The following SLC25A13 variants were observed in gnomAD, a reference collection of about 807,000 sequenced individuals.
SLC25A13 encodes the protein electrogenic aspartate/glutamate antiporter SLC25A13, mitochondrial.
In SLC25A13, 70 loss-of-function variants were observed where a neutral mutation model predicts 85.5. That is an observed-to-expected ratio of 0.82 (90% CI 0.68 to 1.00). The LOEUF (loss-of-function observed/expected upper bound fraction) is 1.00, where lower values mean the gene tolerates loss of function less well. Among genes scored for constraint, SLC25A13 ranks in the 50% least tolerant of loss-of-function variants. The pLI, the probability that SLC25A13 is intolerant of heterozygous loss-of-function variation, is 0.00. For synonymous variants in SLC25A13, 259 were observed against 288.7 expected (o/e 0.90, Z 1.04); for missense variants, 765 against 819.8 (o/e 0.93, Z 0.82).
chr7:96,228,645 T>C (rs1352865542), intron 4 of SLC25A13, among the ~76,000 whole-genome samples: 1 of 152,198 alleles, frequency 6.6e-6, no homozygotes, highest in Non-Finnish European at 1.5e-5. Context: ...CACTGCACTG[T>C]GGGAGCCCCT....
intron 11 of SLC25A13, among the ~76,000 whole-genome samples, chr7:96,179,935 C>A (rs1297235295): frequency 6.6e-6 from 1 of 152,196 alleles, no homozygotes; most frequent in African/African-American, 2.4e-5. Context: ...AATCTGGATA[C>A]TCCCTTTTAT....
intron 1 of SLC25A13, among the ~76,000 whole-genome samples, chr7:96,307,848 C>G (rs894645490): frequency 2.0e-5 from 3 of 152,132 alleles, no homozygotes; most frequent in African/African-American, 7.2e-5. Flanking sequence ...TGCAATGGAA[C>G]ATTTAAATCT....
At position 96,224,391 on chromosome 7, in the gene SLC25A13, C is replaced by T. The variant is rs1024735650; in HGVS notation, c.328+10411G>A. 3.9e-5 allele frequency among the ~76,000 whole-genome samples: 6 copies of T among 152,272 alleles called. No homozygotes were observed. The East Asian group carries it at 7.7e-4, about 20-fold the overall frequency. On this transcript the variant is annotated intron_variant, in intron 4 of 17. Transcript: ENST00000265631. ...CTCTTGCTTAAGGGCCCGGCCCTGT[C>T]GTTGGTGCCCTGACAACCACCCTCC...
At chr7:96,202,785 C>T (rs1795309081) in intron 5 of SLC25A13, among the ~76,000 whole-genome samples, 2 of 152,076 alleles carry the variant, frequency 1.3e-5, no homozygotes, top group Admixed American at 6.6e-5. Flanking sequence ...TACTCTGTAG[C>T]CCCTCCTTAA....
At chr7:96,129,325 A>C (rs1233807185) in intron 15 of SLC25A13, among the ~76,000 whole-genome samples, 1 of 152,222 alleles carries the variant, frequency 6.6e-6, no homozygotes, top group Non-Finnish European at 1.5e-5. Flanking sequence ...ATTTATAAAG[A>C]CAACAGGATG....
At chr7:96,284,421 T>C (rs1798808025) in intron 2 of SLC25A13, among the ~76,000 whole-genome samples, 1 of 152,230 alleles carries the variant, frequency 6.6e-6, no homozygotes, top group East Asian at 1.9e-4. Context: ...TAAAAGTGGA[T>C]ATCATGCTTT....
intron 1 of SLC25A13, among the ~76,000 whole-genome samples, chr7:96,312,335 G>T (rs757577025): frequency 6.6e-6 from 1 of 152,150 alleles, no homozygotes; most frequent in Non-Finnish European, 1.5e-5. Flanking sequence ...TATGAAGATT[G>T]CATTAGTAGA....
intron 13 of SLC25A13, among the ~76,000 whole-genome samples, chr7:96,158,387 A>G (rs1793370401): frequency 6.6e-6 from 1 of 152,216 alleles, no homozygotes; most frequent in Non-Finnish European, 1.5e-5. Context: ...TATATTTTTT[A>G]ATATAGCGCA....
chr7:96,147,343 A>G (rs940683219), intron 13 of SLC25A13, among the ~76,000 whole-genome samples: 1 of 152,348 alleles, frequency 6.6e-6, no homozygotes, highest in South Asian at 2.1e-4. Context: ...TGCTCTTTTC[A>G]TATGAGATAA....
chr7:96,169,968 C>T, intron 13 of SLC25A13, 77 bp downstream of exon 13: 1 of 1,416,514 alleles, frequency 7.1e-7, no homozygotes, highest in South Asian at 1.1e-5. Flanking sequence ...AAGCCTTAGT[C>T]CACACCTGTT....
intron 13 of SLC25A13, among the ~76,000 whole-genome samples, chr7:96,164,508 G>A (rs758638554): frequency 2.4e-4 from 36 of 152,168 alleles, no homozygotes; most frequent in Admixed American, 3.3e-4. Flanking sequence ...AGAGAAAGTT[G>A]CTATCTAAAT....
At chr7:96,226,954 G>T (rs1796347926) in intron 4 of SLC25A13, among the ~76,000 whole-genome samples, 1 of 151,940 alleles carries the variant, frequency 6.6e-6, no homozygotes, top group Non-Finnish European at 1.5e-5. Flanking sequence ...ACCAAAATTT[G>T]ACAGTATTGG....
At chr7:96,185,326 G>A (rs529729257) in intron 9 of SLC25A13, among the ~76,000 whole-genome samples, 2 of 152,214 alleles carry the variant, frequency 1.3e-5, no homozygotes, top group Admixed American at 1.3e-4. Flanking sequence ...GGCCAGGCAC[G>A]GTGGCTCACG....
Position 96,234,809 on chromosome 7 carries a change from T to G in SLC25A13, c.321A>C (p.Val107=). ...QLFDKAGKGE[V]TFEDVKQVFG... ...CAGAAGCATGCTTCTTACCAAAAGT[T>G]ACTTCTCCTTTGCCAGCTTTGTCAA... The change falls in exon 4 of 18, where the codon GTA becomes GTC. Residue 107 remains valine, a synonymous_variant. Coordinates refer to ENST00000265631, the MANE Select transcript of SLC25A13 (RefSeq NM_014251.3). 1 of 1,612,334 alleles carries G rather than the reference T, an allele frequency of 6.2e-7. No individual in the cohort carries two copies. Among genetic ancestry groups the G allele is most frequent in the East Asian group, 2.2e-5 (1 of 44,818 alleles).
chr7:96,183,315 A>G (rs946687497), intron 11 of SLC25A13, among the ~76,000 whole-genome samples: 1 of 152,118 alleles, frequency 6.6e-6, no homozygotes, highest in Non-Finnish European at 1.5e-5. Flanking sequence ...AACTGGGGTA[A>G]TTAATTTGAA....
At chr7:96,167,706 G>A (rs1041676643) in intron 13 of SLC25A13, among the ~76,000 whole-genome samples, 3 of 152,212 alleles carry the variant, frequency 2.0e-5, no homozygotes, top group Admixed American at 2.0e-4. Context: ...TAGGACAGAT[G>A]AGGCTGTGGA....
rs183528105 is a variant in SLC25A13 at position 96,268,252 on chromosome 7, G to A, written c.212+8944C>T. On this transcript the variant is annotated intron_variant, in intron 3 of 17. Transcript: ENST00000265631. ...AGTAACAACAACAAATAGAACGTGT[G>A]CAAAGATCAAAGGAAGAATTTTCAC... Among the ~76,000 whole-genome samples the A allele has an allele frequency of 4.1e-3, 617 of 152,264 alleles. 4 individuals carry two copies. The highest frequency in any genetic ancestry group is 6.9e-3 in the Non-Finnish European group (469 of 68,024).
rs1023055299 is a variant in SLC25A13 at position 96,128,142 on chromosome 7, A to G, written c.1591+3601T>C. Among the ~76,000 whole-genome samples the G allele has an allele frequency of 2.0e-5, 3 of 152,156 alleles. No individual in the cohort carries two copies. In the South Asian group the frequency reaches 6.2e-4, roughly 32 times the overall value. ...CATCACTCCTGCTCACTGGATATAG[A>G]TTTTTTATGTTTATTTTATAACAAA... On this transcript the variant is annotated intron_variant, in intron 15 of 17. Coordinates refer to ENST00000265631, the MANE Select transcript of SLC25A13 (RefSeq NM_014251.3).
intron 14 of SLC25A13, among the ~76,000 whole-genome samples, chr7:96,139,865 G>C (rs1325139122): frequency 1.3e-5 from 2 of 150,212 alleles, no homozygotes; most frequent in South Asian, 2.1e-4. Context: ...ATAGACATTT[G>C]GGTTATTTCA....
Sources: allele counts gnomAD v4.1 joint callset (sites outside exome capture counted in the v4.1 genomes callset), GRCh38; gene constraint gnomAD v4.1.1; transcripts MANE v1.5; gene names NCBI Gene and HGNC (gene_info 2026-07-23, HGNC 2026-07-21).